GALR1: variants seen among roughly 807,000 people sequenced by gnomAD.
GALR1 encodes galanin receptor type 1.
GALR1 carries 11 observed loss-of-function variants against 17.9 expected under a neutral mutation model. The observed-to-expected ratio is 0.62, with a 90% CI of 0.39 to 1.02. GALR1 has a LOEUF of 1.02. GALR1 is among the 50% of genes least tolerant of loss of function. GALR1 has a pLI of 0.01. For synonymous variants in GALR1, 206 were observed against 205.7 expected, an observed-to-expected ratio of 1.00 and a Z score of -0.01; for missense variants, 441 against 456.9, an observed-to-expected ratio of 0.97 and a Z score of 0.32.
At chr18:77,265,618 C>T (rs1912929044) in intron 2 of GALR1, among the ~76,000 whole-genome samples, 1 of 152,222 alleles carries the variant, frequency 6.6e-6, no homozygotes, top group Non-Finnish European at 1.5e-5. Context: ...TCCATAAGGA[C>T]TCTGCCCCTG....
Position 77,260,442 on chromosome 18 carries a change from G to T in GALR1, c.732+4219G>T, listed in dbSNP as rs552798891. Among the ~76,000 whole-genome samples, 4 of 152,246 alleles carry T rather than the reference G, an allele frequency of 2.6e-5. No homozygotes were observed. The South Asian group carries it at 8.3e-4, about 32-fold the overall frequency. The stretch of plus-strand genomic sequence containing the variant: ...GCTCTCTAGGCCCCCATTCATAAGG[G>T]CACGGATCCCATTATGAGGGCTCCC... On this transcript the variant is annotated intron_variant, in intron 2 of 2. Transcript: ENST00000299727.
chr18:77,252,950 TCACCACCATCAC>T (rs1912485957), intron 1 of GALR1, among the ~76,000 whole-genome samples: 3 of 25,274 alleles, frequency 1.2e-4, no homozygotes, highest in African/African-American at 3.0e-4. Context: ...ACCACCACCA[TCACCACCATCAC>T]CACCACCATC....
Position 77,268,884 on chromosome 18 carries a change from CA to C in GALR1, c.1034del (p.Asn345IlefsTer9). On this transcript the variant is annotated frameshift_variant, in exon 3 of 3. Transcript: ENST00000299727. LOFTEE classifies it high-confidence loss of function. ...KSRIDTPPST[N>X]CTHV ...GTCGAATAGACACCCCACCATCAAC[CA>C]ATTGTACTCATGTGTGATAAAAGAT... The C allele has an allele frequency of 6.2e-7, 1 of 1,610,608 alleles. No individual in the cohort carries two copies. The highest frequency in any genetic ancestry group is 8.5e-7 in the Non-Finnish European group (1 of 1,177,088).
intron 2 of GALR1, among the ~76,000 whole-genome samples, chr18:77,256,712 G>T (rs1447561827): frequency 6.6e-6 from 1 of 152,200 alleles, no homozygotes; most frequent in Non-Finnish European, 1.5e-5. Flanking sequence ...TCACCCACAT[G>T]TGCTGACTCT....
intron 1 of GALR1, 31 bp from the exon 2 acceptor site, chr18:77,256,127 C>A: frequency 1.5e-6 from 2 of 1,348,460 alleles, no homozygotes; most frequent in Non-Finnish European, 2.1e-6. Context: ...AGAGGTGAGG[C>A]GAACTGATTT....
Position 77,277,606 on chromosome 18 carries a change from T to C in GALR1, c.*8704T>C, listed in dbSNP as rs1414693738. The stretch of plus-strand genomic sequence containing the variant: ...GTGAAAACGGACTAATACAACGTGA[T>C]TGTTTAAATGCTGATATGAAAGCAG... On this transcript the variant is annotated 3_prime_UTR_variant, in exon 3 of 3. Coordinates refer to ENST00000299727, the MANE Select transcript of GALR1 (RefSeq NM_001480.4). 3 of 152,256 alleles carry C rather than the reference T, an allele frequency of 2.0e-5. No individual in the cohort carries two copies. The highest frequency in any genetic ancestry group is 2.0e-4 in the Admixed American group (3 of 15,286). The allele number at this position is 152,256 out of a possible 1,614,324, so 9.4% of individuals were successfully genotyped here.
Position 77,273,758 on chromosome 18 carries a change from A to G in GALR1, c.*4856A>G, listed in dbSNP as rs563756497. On this transcript the variant is annotated 3_prime_UTR_variant, in exon 3 of 3. Coordinates refer to ENST00000299727, the MANE Select transcript of GALR1 (RefSeq NM_001480.4). ...CTTTTCAATGTTGGCTCCATTTGCC[A>G]TACTCAGACAATTGCTTGAAGAGCT... 1 of 152,330 alleles carries G rather than the reference A, an allele frequency of 6.6e-6. No individual in the cohort carries two copies. The highest frequency in any genetic ancestry group is 2.4e-5 in the African/African-American group (1 of 41,580). The allele number at this position is 152,330 out of a possible 1,614,324, so 9.4% of individuals were successfully genotyped here.
rs1913079632 is a variant in GALR1, at chr18:77,272,220, A to G, written c.*3318A>G. ...GGAGGAGAGATGCTTAAGGAACTGCATGAGTCATGCAAGGCTCAGAACTTC... is the reference window on the plus strand; with the variant it reads ...GGAGGAGAGATGCTTAAGGAACTGCGTGAGTCATGCAAGGCTCAGAACTTC... On this transcript the variant is annotated 3_prime_UTR_variant, in exon 3 of 3. Coordinates refer to ENST00000299727, the MANE Select transcript of GALR1 (RefSeq NM_001480.4). The G allele has an allele frequency of 6.6e-6, 1 of 152,242 alleles. No homozygotes were observed. Among genetic ancestry groups the G allele is most frequent in the Non-Finnish European group, 1.5e-5 (1 of 68,046 alleles). 9.4% of individuals were successfully genotyped at this position (152,242 alleles called of 1,614,324 possible). A position where few individuals can be genotyped will look rare whatever the true frequency, so the allele number is the denominator to read the frequency against.
intron 2 of GALR1, among the ~76,000 whole-genome samples, chr18:77,267,998 C>T (rs191029418): frequency 6.6e-6 from 1 of 152,220 alleles, no homozygotes. Flanking sequence ...GATTTAGGAG[C>T]AGCAAAGAAA....
intron 1 of GALR1, among the ~76,000 whole-genome samples, chr18:77,251,557 G>T (rs1912416903): frequency 6.6e-6 from 1 of 152,240 alleles, no homozygotes; most frequent in African/African-American, 2.4e-5. Context: ...TAGGTAGGCG[G>T]GCGCTGCCGC....
intron 2 of GALR1, among the ~76,000 whole-genome samples, chr18:77,263,935 G>C (rs1445878727): frequency 6.6e-6 from 1 of 151,944 alleles, no homozygotes; most frequent in Non-Finnish European, 1.5e-5. Flanking sequence ...AGGAGTTTGA[G>C]ACTAGCCTGA....
At chr18:77,258,703 TGTGATGGTGGTGCTG>T (rs1912678275) in intron 2 of GALR1, among the ~76,000 whole-genome samples, 2 of 8,622 alleles carry the variant, frequency 2.3e-4, no homozygotes, top group Non-Finnish European at 6.1e-4. Context: ...GTGGTGGTCA[TGTGATGGTGGTGCTG>T]GTGATGGTGG....
chr18:77,267,525 C>T (rs746713723), intron 2 of GALR1, among the ~76,000 whole-genome samples: 1 of 152,202 alleles, frequency 6.6e-6, no homozygotes, highest in Admixed American at 6.5e-5. Context: ...GTTTCGATGG[C>T]TCTGTTGTGA....
At chr18:77,267,477 G>A (rs374651753) in intron 2 of GALR1, among the ~76,000 whole-genome samples, 15 of 152,278 alleles carry the variant, frequency 9.9e-5, no homozygotes, top group South Asian at 2.1e-4. Flanking sequence ...AAGGACATTC[G>A]GTGAAATAAT....
intron 2 of GALR1, among the ~76,000 whole-genome samples, chr18:77,267,644 T>C (rs955206410): frequency 6.6e-6 from 1 of 152,234 alleles, no homozygotes; most frequent in South Asian, 2.1e-4. Context: ...GTTTAAAAAA[T>C]ACTAGACTCC....
rs150140871 is a variant in GALR1 at position 77,256,236 on chromosome 18, A to AAT, written c.732+26_732+27dup. 3.4e-3 allele frequency: 4,464 copies of AAT among 1,307,070 alleles called. 4 individuals are homozygous for AAT. The highest frequency in any genetic ancestry group is 4.2e-3 in the Non-Finnish European group (3,801 of 911,148). The allele number at this position is 1,307,070 out of a possible 1,614,324, so 81.0% of individuals were successfully genotyped here. ...ATCCAAGAAAAAGGTAATGATCACAAATATATATATATATGTTACTTTTCA... is the reference window on the plus strand; with the variant it reads ...ATCCAAGAAAAAGGTAATGATCACAAATATATATATATATATGTTACTTTTCA... On this transcript the variant is annotated intron_variant, in intron 2 of 2. Transcript: ENST00000299727.
chr18:77,252,866 C>CCACCACCACCACCATCAT (rs1912455133), intron 1 of GALR1, among the ~76,000 whole-genome samples: 3 of 99,468 alleles, frequency 3.0e-5, no homozygotes, highest in Admixed American at 1.1e-4. Context: ...ACCACCACCA[C>CCACCACCACCACCATCAT]CACCACCACC....
At position 77,268,819 on chromosome 18, in the gene GALR1, C is replaced by T. The variant is rs753801878; in HGVS notation, c.967C>T (p.Arg323Cys). ...TAAACAAGTGTTCAAGTGTCACATT[C>T]GCAAAGATTCACACCTGAGTGATAC... is the stretch of plus-strand genomic sequence containing the variant. Reference protein sequence around the residue: ...AYKQVFKCHIRKDSHLSDTKE... With the variant: ...AYKQVFKCHICKDSHLSDTKE... Residue 323 changes from arginine (R) to cysteine (C), a missense_variant, in exon 3 of 3, where the codon CGC (arginine) becomes TGC (cysteine). Physicochemically the swap from Arg to Cys is radical, Grantham distance 180. Transcript: ENST00000299727. 43 of 1,613,718 alleles carry T rather than the reference C, an allele frequency of 2.7e-5. No homozygotes were observed. The East Asian group carries it at 5.8e-4, about 22-fold the overall frequency.
intron 2 of GALR1, among the ~76,000 whole-genome samples, chr18:77,267,108 G>A (rs1912959142): frequency 6.6e-6 from 1 of 152,246 alleles, no homozygotes; most frequent in South Asian, 2.1e-4. Flanking sequence ...TGCTGGTGAA[G>A]TGAACAGAAA....
Sources: allele counts gnomAD v4.1 joint callset (sites outside exome capture counted in the v4.1 genomes callset), GRCh38; gene constraint gnomAD v4.1.1; transcripts MANE v1.5; gene names NCBI Gene and HGNC (gene_info 2026-07-23, HGNC 2026-07-21).